SEMA3E: variants seen among roughly 807,000 people sequenced by gnomAD.
The protein encoded by SEMA3E is semaphorin-3E.
A neutral mutation model predicts 93.6 loss-of-function variants in SEMA3E; 49 were observed. The ratio of observed to expected loss-of-function variants is 0.52; its 90% CI spans 0.42 to 0.66. The LOEUF is 0.66. SEMA3E is among the 30% of genes least tolerant of loss of function. The pLI, the probability that SEMA3E is intolerant of heterozygous loss-of-function variation, is 0.00. For missense variants in SEMA3E, 906 were observed against 964.8 expected (o/e 0.94, Z 0.81); for synonymous variants, 363 against 330.7 (o/e 1.10, Z -1.06).
intron 11 of SEMA3E, among the ~76,000 whole-genome samples, chr7:83,397,004 C>T: frequency 6.6e-6 from 1 of 151,422 alleles, no homozygotes; most frequent in East Asian, 2.0e-4. Flanking sequence ...ATTGCTTGAA[C>T]CTGGGAAGCA....
chr7:83,393,311 A>G (rs1351429465), intron 13 of SEMA3E, among the ~76,000 whole-genome samples: 1 of 151,956 alleles, frequency 6.6e-6, no homozygotes, highest in Non-Finnish European at 1.5e-5. Flanking sequence ...AGGCAGGTAA[A>G]TTGCTTGAGC....
chr7:83,479,903 C>CACAA (rs374796183), intron 2 of SEMA3E, among the ~76,000 whole-genome samples: 1,754 of 152,156 alleles, frequency 0.012, 29 homozygotes, highest in African/African-American at 0.04. Flanking sequence ...AATTGTTAAA[C>CACAA]ACAATAAGGA....
At chr7:83,443,887 TTAAA>T (rs1789171238) in intron 4 of SEMA3E, among the ~76,000 whole-genome samples, 1 of 148,374 alleles carries the variant, frequency 6.7e-6, no homozygotes, top group African/African-American at 2.5e-5. Flanking sequence ...CTAGGTTAAG[TTAAA>T]TAACGTTAAG....
At chr7:83,489,472 T>A (rs1467289467) in intron 2 of SEMA3E, among the ~76,000 whole-genome samples, 1 of 151,992 alleles carries the variant, frequency 6.6e-6, no homozygotes. Context: ...GAAAGTGTAT[T>A]ACATAATACA....
rs1229545562 is a variant in SEMA3E, at chr7:83,364,001, TCTC to T, written c.*3582_*3584del. On this transcript the variant is annotated 3_prime_UTR_variant, in exon 17 of 17. Transcript: ENST00000643230. ...GCTCCGCTTCCCGGGTTCACGCCAT[TCTC>T]CTGCCTCAGCCTCCCAAGTAGCTGG... is the stretch of plus-strand genomic sequence containing the variant. 1 of 147,710 alleles carries T rather than the reference TCTC, an allele frequency of 6.8e-6. No individual in the cohort carries two copies. The allele number at this position is 147,710 out of a possible 1,614,324, so 9.1% of individuals were successfully genotyped here. A position where few individuals can be genotyped will look rare whatever the true frequency, so the allele number is the denominator to read the frequency against.
Position 83,390,065 on chromosome 7 carries a change from A to G in SEMA3E, c.1667+2490T>C, listed in dbSNP as rs182767937. Among the ~76,000 whole-genome samples the G allele has an allele frequency of 8.1e-3, 989 of 121,410 alleles. 34 individuals carry two copies. Among genetic ancestry groups the G allele is most frequent in the African/African-American group, 0.017 (492 of 29,770 alleles). 79.6% of individuals were successfully genotyped at this position (121,410 alleles called of 152,430 possible). A position where few individuals can be genotyped will look rare whatever the true frequency, so the allele number is the denominator to read the frequency against. On this transcript the variant is annotated intron_variant, in intron 14 of 16. Coordinates refer to ENST00000643230, the MANE Select transcript of SEMA3E (RefSeq NM_012431.3). ...TATATGCGCGTATACGTGTGCACATATATGCGCGTATACGTGTGCACATAT... is the reference window on the plus strand; with the variant it reads ...TATATGCGCGTATACGTGTGCACATGTATGCGCGTATACGTGTGCACATAT...
intron 7 of SEMA3E, among the ~76,000 whole-genome samples, chr7:83,406,750 C>T (rs1427070180): frequency 6.6e-6 from 1 of 151,736 alleles, no homozygotes; most frequent in Non-Finnish European, 1.5e-5. Flanking sequence ...TCAAACATAG[C>T]TATGTATATT....
At position 83,528,691 on chromosome 7, in the gene SEMA3E, C is replaced by T. The variant is rs139942664; in HGVS notation, c.116-38417G>A. Among the ~76,000 whole-genome samples, 476 of 152,108 alleles carry T rather than the reference C, an allele frequency of 3.1e-3. 3 individuals are homozygous for T. Among genetic ancestry groups the T allele is most frequent in the African/African-American group, 8.2e-3 (341 of 41,536 alleles). On this transcript the variant is annotated intron_variant, in intron 1 of 16. Coordinates refer to ENST00000643230, the MANE Select transcript of SEMA3E (RefSeq NM_012431.3). Reference sequence around the variant, plus strand: ...TTTCAACATTTTAACTTACCAACTCCACTTGCAAACTATGACCAATAAAAT... The same window carrying T: ...TTTCAACATTTTAACTTACCAACTCTACTTGCAAACTATGACCAATAAAAT...
chr7:83,543,992 T>C (rs1230487520), intron 1 of SEMA3E, among the ~76,000 whole-genome samples: 2 of 152,102 alleles, frequency 1.3e-5, no homozygotes, highest in African/African-American at 4.8e-5. Flanking sequence ...CCACAAATGC[T>C]TTCTAAATTG....
intron 1 of SEMA3E, among the ~76,000 whole-genome samples, chr7:83,615,801 C>T (rs1793353615): frequency 6.6e-6 from 1 of 151,960 alleles, no homozygotes; most frequent in African/African-American, 2.4e-5. Context: ...GGGGAGTTAC[C>T]TTAGATATCC....
intron 1 of SEMA3E, chr7:83,616,826 G>C: frequency 2.6e-6 from 1 of 378,050 alleles, no homozygotes; most frequent in Non-Finnish European, 5.2e-6. Flanking sequence ...CCGAGTTCAA[G>C]TGATTCTCCT....
At chr7:83,393,153 C>T (rs1182026848) in intron 13 of SEMA3E, among the ~76,000 whole-genome samples, 1 of 151,772 alleles carries the variant, frequency 6.6e-6, no homozygotes, top group African/African-American at 2.4e-5. Context: ...ACCAAAATTG[C>T]TACACTGAAC....
intron 1 of SEMA3E, among the ~76,000 whole-genome samples, chr7:83,491,229 C>T (rs1001008037): frequency 5.3e-5 from 8 of 152,068 alleles, no homozygotes; most frequent in African/African-American, 1.4e-4. Flanking sequence ...CACTCTTACA[C>T]TTTTTGTTTC....
intron 1 of SEMA3E, among the ~76,000 whole-genome samples, chr7:83,518,544 T>C (rs1362918672): frequency 6.6e-6 from 1 of 152,180 alleles, no homozygotes; most frequent in Non-Finnish European, 1.5e-5. Context: ...GCAAATCACT[T>C]AAACTTATTT....
chr7:83,383,029 C>A lies in SEMA3E; in HGVS notation c.1875+2265G>T, dbSNP rs1217493548. Among the ~76,000 whole-genome samples the A allele has an allele frequency of 2.0e-5, 3 of 151,710 alleles. No homozygotes were observed. In the South Asian group the frequency reaches 6.2e-4, roughly 32 times the overall value. On this transcript the variant is annotated intron_variant, in intron 16 of 16. Transcript: ENST00000643230. ...TCTGAACAGGCAGACATTACAGAAT[C>A]AAAAATTTCAGTTAAATAAAAGGAA...
At chr7:83,446,771 G>A (rs1789239536) in intron 4 of SEMA3E, among the ~76,000 whole-genome samples, 1 of 152,116 alleles carries the variant, frequency 6.6e-6, no homozygotes, top group African/African-American at 2.4e-5. Context: ...TTCCAGTACT[G>A]TATAATAGCA....
intron 10 of SEMA3E, among the ~76,000 whole-genome samples, chr7:83,400,452 G>A (rs1362990001): frequency 6.6e-6 from 1 of 151,736 alleles, no homozygotes; most frequent in Non-Finnish European, 1.5e-5. Flanking sequence ...TGTTATATAG[G>A]TAAACTCATG....
chr7:83,601,332 A>G (rs1584356987), intron 1 of SEMA3E, among the ~76,000 whole-genome samples: 1 of 152,328 alleles, frequency 6.6e-6, no homozygotes, highest in South Asian at 2.1e-4. Context: ...AGTGAGAGCT[A>G]CTTGGGTAGC....
chr7:83,462,145 G>C (rs540151260), intron 4 of SEMA3E: 1 of 152,168 alleles, frequency 6.6e-6, no homozygotes. Flanking sequence ...GACACTGCCC[G>C]ATCACCTCGG....
Sources: gnomAD v4.1 joint callset for allele counts (sites outside exome capture counted in the v4.1 genomes callset) on GRCh38, gnomAD v4.1.1 for gene constraint, MANE v1.5 for transcripts, NCBI Gene and HGNC (gene_info 2026-07-23, HGNC 2026-07-21) for gene names.